Variants in HS6ST3 observed in about 807,000 individuals in gnomAD.
HS6ST3 encodes heparan-sulfate 6-O-sulfotransferase 3.
A neutral mutation model predicts 36.7 loss-of-function variants in HS6ST3; 12 were observed. The ratio of observed to expected loss-of-function variants is 0.33; its 90% confidence interval spans 0.21 to 0.53. The LOEUF (loss-of-function observed/expected upper bound fraction) is 0.53. HS6ST3 is among the 20% of genes least tolerant of loss of function. The probability of loss-of-function intolerance (pLI) is 0.95; values close to 1 mark genes in which losing one functional copy is unlikely to be tolerated. For missense variants in HS6ST3, 584 were observed against 640.9 expected, an observed-to-expected ratio of 0.91 and a Z score of 0.96; for synonymous variants, 240 against 257.5, an observed-to-expected ratio of 0.93 and a Z score of 0.65.
intron 1 of HS6ST3, among the ~76,000 whole-genome samples, chr13:96,799,115 A>G (rs921905857): frequency 2.0e-5 from 3 of 152,090 alleles, no homozygotes; most frequent in Non-Finnish European, 4.4e-5. Context: ...TAGGGCTTCG[A>G]CTTATGAATC....
intron 1 of HS6ST3, among the ~76,000 whole-genome samples, chr13:96,120,919 C>A (rs78606431): frequency 0.017 from 2,570 of 152,274 alleles, 61 homozygotes; most frequent in African/African-American, 0.059. Flanking sequence ...AGGTCAGTCT[C>A]ATCTGGAGAC....
At chr13:96,653,491 A>T (rs918722561) in intron 1 of HS6ST3, among the ~76,000 whole-genome samples, 1 of 152,090 alleles carries the variant, frequency 6.6e-6, no homozygotes, top group African/African-American at 2.4e-5. Context: ...TAGTTTGCTG[A>T]GAATGATGGT....
At chr13:96,459,957 G>T (rs1298827889) in intron 1 of HS6ST3, among the ~76,000 whole-genome samples, 1 of 152,174 alleles carries the variant, frequency 6.6e-6, no homozygotes, top group Non-Finnish European at 1.5e-5. Flanking sequence ...AAGGTTATTT[G>T]CTTGATTCTT....
chr13:96,773,059 G>C (rs1594856787), intron 1 of HS6ST3, among the ~76,000 whole-genome samples: 1 of 152,180 alleles, frequency 6.6e-6, no homozygotes, highest in Non-Finnish European at 1.5e-5. Context: ...GGAAGTGCAA[G>C]AGGTGGGGGA....
chr13:96,197,093 A>G (rs1024671700), intron 1 of HS6ST3, among the ~76,000 whole-genome samples: 2 of 152,254 alleles, frequency 1.3e-5, no homozygotes, highest in African/African-American at 4.8e-5. Flanking sequence ...TTTGATAGTT[A>G]GATGATAGAA....
At chr13:96,376,406 A>G (rs1038884577) in intron 1 of HS6ST3, among the ~76,000 whole-genome samples, 1 of 152,204 alleles carries the variant, frequency 6.6e-6, no homozygotes, top group Non-Finnish European at 1.5e-5. Context: ...TCAAACAGTC[A>G]GACTGCAAAG....
intron 1 of HS6ST3, among the ~76,000 whole-genome samples, chr13:96,379,144 C>CT (rs2055328513): frequency 6.6e-6 from 1 of 152,188 alleles, no homozygotes; most frequent in Non-Finnish European, 1.5e-5. Context: ...GCAACAGACT[C>CT]TTTCACTTGG....
At chr13:96,458,971 G>C (rs1427923482) in intron 1 of HS6ST3, among the ~76,000 whole-genome samples, 1 of 151,764 alleles carries the variant, frequency 6.6e-6, no homozygotes, top group Non-Finnish European at 1.5e-5. Flanking sequence ...GGGCATGGTG[G>C]CATGCTCCTG....
At chr13:96,232,656 G>C (rs1235148984) in intron 1 of HS6ST3, among the ~76,000 whole-genome samples, 1 of 152,126 alleles carries the variant, frequency 6.6e-6, no homozygotes, top group Admixed American at 6.6e-5. Context: ...GGAGCCCAGA[G>C]ACAAGGACTG....
At chr13:96,201,971 C>T (rs1327633) in intron 1 of HS6ST3, among the ~76,000 whole-genome samples, 8,184 of 152,090 alleles carry the variant, frequency 0.054, 325 homozygotes, top group Admixed American at 0.13. Flanking sequence ...ATTTGCATAT[C>T]GTGAAATAAA....
intron 1 of HS6ST3, among the ~76,000 whole-genome samples, chr13:96,426,625 T>A (rs1462300508): frequency 1.3e-5 from 2 of 152,228 alleles, no homozygotes; most frequent in African/African-American, 4.8e-5. Context: ...TGACTTTTTT[T>A]AGTAAAATGA....
intron 1 of HS6ST3, among the ~76,000 whole-genome samples, chr13:96,150,065 G>C (rs1183467793): frequency 6.6e-6 from 1 of 152,166 alleles, no homozygotes; most frequent in Admixed American, 6.5e-5. Flanking sequence ...GCCATCCGCA[G>C]CTTGGCGAGT....
intron 1 of HS6ST3, among the ~76,000 whole-genome samples, chr13:96,606,749 T>G (rs1014914185): frequency 6.6e-6 from 1 of 151,742 alleles, no homozygotes. Flanking sequence ...TGCCCATGTA[T>G]CTCCTGAATC....
At chr13:96,583,199 C>CTTTTT (rs1210357260) in intron 1 of HS6ST3, among the ~76,000 whole-genome samples, 2 of 33,948 alleles carry the variant, frequency 5.9e-5, no homozygotes, top group African/African-American at 2.2e-4. Context: ...ATTTCTTTTT[C>CTTTTT]TTTTCTTTTT....
intron 1 of HS6ST3, among the ~76,000 whole-genome samples, chr13:96,116,640 G>A (rs557314388): frequency 6.6e-6 from 1 of 152,338 alleles, no homozygotes; most frequent in East Asian, 1.9e-4. Flanking sequence ...AAGGTGCTCA[G>A]TATGCACTAT....
chr13:96,432,741 A>G (rs2055621633), intron 1 of HS6ST3, among the ~76,000 whole-genome samples: 1 of 152,164 alleles, frequency 6.6e-6, no homozygotes, highest in South Asian at 2.1e-4. Flanking sequence ...GAATGAGGAG[A>G]AAGTGAGAGG....
intron 1 of HS6ST3, among the ~76,000 whole-genome samples, chr13:96,798,083 G>A (rs1877957921): frequency 6.6e-6 from 1 of 151,994 alleles, no homozygotes; most frequent in South Asian, 2.1e-4. Context: ...TCTTAGAGCA[G>A]CTCACAGACC....
At chr13:96,569,778 G>T (rs779010330) in intron 1 of HS6ST3, among the ~76,000 whole-genome samples, 32 of 152,154 alleles carry the variant, frequency 2.1e-4, no homozygotes, top group Middle Eastern at 3.2e-3. Context: ...GGAATGTGGG[G>T]TGCAGAAAAA....
At chr13:96,646,082 A>G (rs2056587570) in intron 1 of HS6ST3, among the ~76,000 whole-genome samples, 1 of 152,032 alleles carries the variant, frequency 6.6e-6, no homozygotes, top group African/African-American at 2.4e-5. Context: ...AAAGGAAGAA[A>G]CAGACGGACC....
Sources: gnomAD v4.1 joint callset for allele counts (sites outside exome capture counted in the v4.1 genomes callset) on GRCh38, gnomAD v4.1.1 for gene constraint, MANE v1.5 for transcripts, NCBI Gene and HGNC (gene_info 2026-07-23, HGNC 2026-07-21) for gene names.